Variants in GRID2 observed in about 807,000 individuals in gnomAD.
GRID2 encodes the protein glutamate ionotropic receptor delta type subunit 2.
Under a neutral mutation model 114.8 loss-of-function variants are expected in GRID2, and 33 were observed. The observed-to-expected ratio is 0.29, with a 90% CI of 0.22 to 0.38. The LOEUF is 0.38. GRID2 is among the 10% of genes least tolerant of loss of function. GRID2 has a pLI of 1.00. For missense variants in GRID2, 1,184 were observed against 1,257.7 expected (o/e 0.94, Z 0.89); for synonymous variants, 505 against 449.9 (o/e 1.12, Z -1.55).
In GRID2 at chr4:93,128,296, G is replaced by T. The variant is rs964121230; in HGVS notation, c.735+17343G>T. ...ATATTTCGCCCTTAAGCATAGAGAAGAACAGAACTTTTGGATTAAATGGAT... is the reference window on the plus strand; with the variant it reads ...ATATTTCGCCCTTAAGCATAGAGAATAACAGAACTTTTGGATTAAATGGAT... On this transcript the variant is annotated intron_variant, in intron 4 of 15. Transcript: ENST00000282020. Among the ~76,000 whole-genome samples the T allele has an allele frequency of 2.0e-5, 3 of 152,004 alleles. No individual in the cohort carries two copies. In the South Asian group the frequency reaches 6.2e-4, roughly 31 times the overall value.
At chr4:93,560,818 C>T (rs918800810) in intron 13 of GRID2, among the ~76,000 whole-genome samples, 1 of 151,946 alleles carries the variant, frequency 6.6e-6, no homozygotes, top group Non-Finnish European at 1.5e-5. Flanking sequence ...ATGGATCATT[C>T]TATGCAATAA....
At chr4:93,561,467 C>G (rs1264005070) in intron 13 of GRID2, among the ~76,000 whole-genome samples, 1 of 151,976 alleles carries the variant, frequency 6.6e-6, no homozygotes, top group Non-Finnish European at 1.5e-5. Context: ...ACATGTATAG[C>G]CTCCCTTATT....
In GRID2 at chr4:93,724,837, C is replaced by T. The variant is rs962034977; in HGVS notation, c.2361-44373C>T. Among the ~76,000 whole-genome samples, 32 of 151,918 alleles carry T rather than the reference C, an allele frequency of 2.1e-4. 1 individual carries two copies. Among genetic ancestry groups the T allele is most frequent in the Admixed American group, 6.6e-5 (1 of 15,236 alleles). On this transcript the variant is annotated intron_variant, in intron 14 of 15. Transcript: ENST00000282020. ...CTCTGTCGCCCAAGCTGGAGTGCAGCGGCATGATCTCAGCTCACTGCAACC... is the reference window on the plus strand; with the variant it reads ...CTCTGTCGCCCAAGCTGGAGTGCAGTGGCATGATCTCAGCTCACTGCAACC...
chr4:92,716,508 T>C (rs1403656341), intron 2 of GRID2, among the ~76,000 whole-genome samples: 1 of 152,198 alleles, frequency 6.6e-6, no homozygotes, highest in Non-Finnish European at 1.5e-5. Flanking sequence ...ACTGAAGGCT[T>C]TGGTGATATA....
chr4:92,957,711 G>A (rs1752512271), intron 2 of GRID2, among the ~76,000 whole-genome samples: 1 of 151,782 alleles, frequency 6.6e-6, no homozygotes, highest in Admixed American at 6.6e-5. Flanking sequence ...AATTTTGATT[G>A]GGGTTGTATA....
intron 1 of GRID2, among the ~76,000 whole-genome samples, chr4:92,484,787 A>G (rs931294765): frequency 2.0e-5 from 3 of 151,864 alleles, no homozygotes; most frequent in African/African-American, 7.3e-5. Context: ...CTTATGAGGT[A>G]TGGAGTTGTA....
chr4:93,077,106 GT>G (rs1417307303), intron 2 of GRID2, among the ~76,000 whole-genome samples: 1 of 152,132 alleles, frequency 6.6e-6, no homozygotes, highest in Non-Finnish European at 1.5e-5. Flanking sequence ...CTTAAAGACA[GT>G]TTTGGTAATT....
chr4:93,017,861 A>C (rs1578762677), intron 2 of GRID2, among the ~76,000 whole-genome samples: 1 of 149,196 alleles, frequency 6.7e-6, no homozygotes, highest in Non-Finnish European at 1.5e-5. Context: ...TAATATGTGC[A>C]CCAAGACATA....
At chr4:92,432,623 G>GTC (rs1051977963) in intron 1 of GRID2, among the ~76,000 whole-genome samples, 1 of 152,084 alleles carries the variant, frequency 6.6e-6, no homozygotes, top group Non-Finnish European at 1.5e-5. Context: ...TCAGGCCTGA[G>GTC]TCTCTCTCTT....
chr4:93,703,085 A>C (rs753476681), intron 14 of GRID2, among the ~76,000 whole-genome samples: 2 of 152,156 alleles, frequency 1.3e-5, no homozygotes, highest in Non-Finnish European at 2.9e-5. Flanking sequence ...TGTTAGATAA[A>C]TGAAGGTAAA....
chr4:92,953,014 C>T (rs1448924950), intron 2 of GRID2, among the ~76,000 whole-genome samples: 2 of 152,158 alleles, frequency 1.3e-5, no homozygotes, highest in Non-Finnish European at 2.9e-5. Flanking sequence ...AGCTACATTA[C>T]TCCAATCTCT....
At chr4:93,249,349 A>G (rs2149528470) in intron 8 of GRID2, among the ~76,000 whole-genome samples, 1 of 152,274 alleles carries the variant, frequency 6.6e-6, no homozygotes, top group Non-Finnish European at 1.5e-5. Context: ...TGTCTTGGCT[A>G]TATGGGCTCT....
intron 2 of GRID2, among the ~76,000 whole-genome samples, chr4:92,923,128 C>G (rs149070436): frequency 7.2e-5 from 11 of 152,194 alleles, no homozygotes; most frequent in African/African-American, 2.4e-4. Flanking sequence ...TCATGAAATG[C>G]AATAGTGTTA....
In GRID2 at chr4:92,572,450, T is replaced by A. The variant is rs372770690; in HGVS notation, c.89-17681T>A. ...GAAGGATTCACAGCCGAATTCTACC[T>A]GAGGTACAAGGAGGAGCTGGTACCA... On this transcript the variant is annotated intron_variant, in intron 1 of 15. Transcript: ENST00000282020. 2.3e-4 allele frequency among the ~76,000 whole-genome samples: 35 copies of A among 152,194 alleles called. No homozygotes were observed. The East Asian group carries it at 5.0e-3, about 22-fold the overall frequency.
intron 2 of GRID2, among the ~76,000 whole-genome samples, chr4:92,886,977 T>C (rs933476742): frequency 6.6e-6 from 1 of 152,184 alleles, no homozygotes; most frequent in African/African-American, 2.4e-5. Flanking sequence ...AAATCACTAA[T>C]CTAAATATTA....
intron 8 of GRID2, among the ~76,000 whole-genome samples, chr4:93,295,830 C>T (rs765278971): frequency 6.6e-6 from 1 of 152,130 alleles, no homozygotes; most frequent in Admixed American, 6.5e-5. Context: ...CTAGTTGATA[C>T]ATAAAACTGA....
intron 1 of GRID2, among the ~76,000 whole-genome samples, chr4:92,438,580 G>C (rs746830454): frequency 1.0e-5 from 1 of 99,074 alleles, no homozygotes; most frequent in Admixed American, 9.3e-5. Flanking sequence ...TTTACCTTCT[G>C]TGTGTGTGTG....
intron 13 of GRID2, among the ~76,000 whole-genome samples, chr4:93,519,849 A>C (rs1202986252): frequency 6.6e-6 from 1 of 152,162 alleles, no homozygotes; most frequent in Non-Finnish European, 1.5e-5. Flanking sequence ...GTCTGTCCAC[A>C]GAAGTCCAAG....
At chr4:93,082,067 G>A (rs929487017) in intron 2 of GRID2, among the ~76,000 whole-genome samples, 1 of 152,042 alleles carries the variant, frequency 6.6e-6, no homozygotes, top group African/African-American at 2.4e-5. Context: ...GGTAAAATAG[G>A]GCCAAATGGG....
Sources: allele counts gnomAD v4.1 joint callset (sites outside exome capture counted in the v4.1 genomes callset), GRCh38; gene constraint gnomAD v4.1.1; transcripts MANE v1.5; gene names NCBI Gene and HGNC (gene_info 2026-07-23, HGNC 2026-07-21).